The following KRT79 variants were observed in gnomAD, a reference collection of about 807,000 sequenced individuals.
The protein encoded by KRT79 is keratin, type II cytoskeletal 79.
KRT79 carries 51 observed loss-of-function variants against 49.0 expected under a neutral mutation model. That is an observed-to-expected ratio of 1.04 (90% CI 0.83 to 1.31). KRT79 has a LOEUF of 1.31. Among genes scored for constraint, KRT79 ranks in the 40% most tolerant of loss-of-function variants. The probability of loss-of-function intolerance (pLI) is 0.00; values close to 1 mark genes in which losing one functional copy is unlikely to be tolerated. For missense variants in KRT79, 728 were observed against 688.0 expected, an observed-to-expected ratio of 1.06 and a Z score of -0.65; for synonymous variants, 312 against 286.6, an observed-to-expected ratio of 1.09 and a Z score of -0.90.
rs187814443 is a variant in KRT79 at position 52,830,215 on chromosome 12, C to G, written c.759+17G>C. 9 of 1,614,168 alleles carry G rather than the reference C, an allele frequency of 5.6e-6. No homozygotes were observed. The highest frequency in any genetic ancestry group is 3.3e-5 in the Admixed American group (2 of 60,032). ...CTGGCAGCCAAAGGACCACCTCCCC[C>G]ACTCCACTCGGCTCACCTTCTTGAG... On this transcript the variant is annotated intron_variant, in intron 3 of 8. Coordinates refer to ENST00000330553, the MANE Select transcript of KRT79 (RefSeq NM_175834.3).
At chr12:52,831,310 T>C in intron 2 of KRT79, 96 bp downstream of exon 2, 1 of 1,141,016 alleles carries the variant, frequency 8.8e-7, no homozygotes, top group African/African-American at 1.5e-5. Context: ...ATCCCCCAGG[T>C]GGGCCTGGGA....
In KRT79 at chr12:52,821,918, A is replaced by AT; in HGVS notation, c.1561dup (p.Ile521AsnfsTer91). The AT allele has an allele frequency of 6.2e-7, 1 of 1,614,112 alleles. No individual in the cohort carries two copies. The highest frequency in any genetic ancestry group is 8.5e-7 in the Non-Finnish European group (1 of 1,180,010). The stretch of plus-strand genomic sequence containing the variant: ...CTTGACCGTAGTGGTCTTCCGCAGG[A>AT]TGGAGGTGCCCGCAGAGACTGGCCC... On this transcript the variant is annotated frameshift_variant, in exon 9 of 9. Transcript: ENST00000330553. LOFTEE classifies it high-confidence loss of function.
Position 52,831,464 on chromosome 12 carries a change from C to A in KRT79, c.640G>T (p.Gly214Trp). ...TTCCTGAGCTCTGAGTCCAGCCTCC[C>A]CCGCTCGCTCTGAAGTCTGTCCAGC... ...STLDRLQSER[G>W]RLDSELRNVQ... Residue 214 changes from glycine (G) to tryptophan (W), a missense_variant, in exon 2 of 9, where the codon GGG becomes TGG. Physicochemically the swap from Gly to Trp is radical, Grantham distance 184 (BLOSUM62 -2). Transcript: ENST00000330553. 2 of 1,614,232 alleles carry A rather than the reference C, an allele frequency of 1.2e-6. No individual in the cohort carries two copies. Among genetic ancestry groups the A allele is most frequent in the Non-Finnish European group, 1.7e-6 (2 of 1,180,040 alleles).
intron 4 of KRT79, among the ~76,000 whole-genome samples, chr12:52,826,427 C>T (rs1029154341): frequency 6.6e-6 from 1 of 150,542 alleles, no homozygotes; most frequent in African/African-American, 2.4e-5. Flanking sequence ...GTGGGAGGAT[C>T]GCTTGAGCCC....
intron 5 of KRT79, 64 bp from the exon 6 acceptor site, chr12:52,824,076 C>T (rs751602692): frequency 1.9e-4 from 306 of 1,612,872 alleles, no homozygotes; most frequent in Non-Finnish European, 2.4e-4. Context: ...CAGCTGGAGG[C>T]CCCATGCAAG....
chr12:52,834,173 G>A lies in KRT79; in HGVS notation c.88C>T (p.Arg30Cys), dbSNP rs142757937. The A allele has an allele frequency of 2.6e-3, 4,120 of 1,613,752 alleles. 15 individuals are homozygous for A. Among genetic ancestry groups the A allele is most frequent in the Non-Finnish European group, 2.9e-3 (3,425 of 1,179,944 alleles). The part of the protein sequence containing the change: ...SASGGSGSQA[R>C]TSFSSVTVSR... ...ACCGTCACTGAGCTGAAGCTGGTGC[G>A]GGCCTGGGACCCACTCCCTCCGCTG... Residue 30 changes from arginine (R) to cysteine (C), a missense_variant, in exon 1 of 9, where the codon CGC becomes TGC. Arg to Cys is a radical substitution (Grantham distance 180). Transcript: ENST00000330553.
In KRT79 at chr12:52,823,069, G is replaced by A. The variant is rs1481764808; in HGVS notation, c.1314C>T (p.Ala438=). The change falls in exon 7 of 9, where the codon GCC becomes GCT. Residue 438 remains alanine (A), a synonymous_variant. Transcript: ENST00000330553. ...DYQELMNVKL[A]LDVEIATYRK... ...GGTAGGTGGCAATCTCCACGTCCAGGGCCAGCTTGACATTCATCAGCTCCT... is the reference window on the plus strand; with the variant it reads ...GGTAGGTGGCAATCTCCACGTCCAGAGCCAGCTTGACATTCATCAGCTCCT... The A allele has an allele frequency of 6.2e-7, 1 of 1,614,150 alleles. No individual in the cohort carries two copies. The highest frequency in any genetic ancestry group is 8.5e-7 in the Non-Finnish European group (1 of 1,180,020).
chr12:52,824,110 C>T (rs79339057), intron 5 of KRT79, 88 bp downstream of exon 5: 1 of 1,612,228 alleles, frequency 6.2e-7, no homozygotes, highest in East Asian at 2.2e-5. Context: ...GCCCCCCGGA[C>T]TCCAAGGGTC....
At chr12:52,833,372 T>C (rs1940283839) in intron 1 of KRT79, among the ~76,000 whole-genome samples, 1 of 152,160 alleles carries the variant, frequency 6.6e-6, no homozygotes, top group Non-Finnish European at 1.5e-5. Context: ...AACAACTCTT[T>C]CAACTCCTGA....
chr12:52,823,823 G>A, intron 6 of KRT79, 64 bp downstream of exon 6: 1 of 1,556,910 alleles, frequency 6.4e-7, no homozygotes, highest in East Asian at 2.3e-5. Context: ...AGCCCCTCGG[G>A]GTGACAATGA....
intron 4 of KRT79, 137 bp downstream of exon 4, chr12:52,829,886 G>C (rs372035374): frequency 1.4e-6 from 1 of 725,430 alleles, no homozygotes; most frequent in Non-Finnish European, 2.4e-6. Context: ...GCGAAACTCC[G>C]TCTCAAAAAA....
At position 52,833,806 on chromosome 12, in the gene KRT79, T is replaced by C. The variant is rs2121292405; in HGVS notation, c.455A>G (p.Lys152Arg). 6.2e-7 allele frequency: 1 copy of C among 1,613,834 alleles called. No individual in the cohort carries two copies. Among genetic ancestry groups the C allele is most frequent in the South Asian group, 1.1e-5 (1 of 91,052 alleles). Residue 152 changes from lysine to arginine, a missense_variant, in exon 1 of 9, where the codon AAG becomes AGG. Coordinates refer to ENST00000330553, the MANE Select transcript of KRT79 (RefSeq NM_175834.3). Reference protein sequence around the residue: ...EREQIKTLNNKFASFIDKVRF... With the variant: ...EREQIKTLNNRFASFIDKVRF... ...CACCTTGTCGATGAAGGAGGCGAAC[T>C]TGTTGTTGAGGGTCTTGATCTGCTC...
In KRT79 at chr12:52,833,842, G is replaced by A. The variant is rs1302312972; in HGVS notation, c.419C>T (p.Thr140Ile). The A allele has an allele frequency of 3.7e-6, 6 of 1,613,840 alleles. No individual in the cohort carries two copies. The African/African-American group carries it at 4.0e-5, about 11-fold the overall frequency. The change falls in exon 1 of 9, where the codon ACT (threonine) becomes ATT (isoleucine). Residue 140 changes from threonine to isoleucine, a missense_variant. By Grantham distance (89) the Thr-to-Ile change is moderately conservative. Coordinates refer to ENST00000330553, the MANE Select transcript of KRT79 (RefSeq NM_175834.3). ...GGTCTTGATCTGCTCCCGCTCCTGA[G>A]TGCGCACTCGCTGGATCTCGGGGTC... ...EIDPEIQRVRTQEREQIKTLN... is the reference protein window; with the variant it reads ...EIDPEIQRVRIQEREQIKTLN...
At chr12:52,822,153 G>T in intron 8 of KRT79, 76 bp from the exon 9 acceptor site, 1 of 1,474,194 alleles carries the variant, frequency 6.8e-7, no homozygotes, top group Non-Finnish European at 9.4e-7. Flanking sequence ...AATCAGTGGG[G>T]AATCAGAACA....
chr12:52,831,495 C>A lies in KRT79; in HGVS notation c.609G>T (p.Arg203=). 6.2e-7 allele frequency: 1 copy of A among 1,614,202 alleles called. No individual in the cohort carries two copies. Among genetic ancestry groups the A allele is most frequent in the East Asian group, 2.2e-5 (1 of 44,884 alleles). Residue 203 remains arginine (R), a synonymous_variant, in exon 2 of 9, where the codon CGG becomes CGT. Transcript: ENST00000330553. ...CGCTCTGAAGTCTGTCCAGCGTGCT[C>A]CGCATGCTACCCAGGTAGGCCTCAA... ...PLFEAYLGSM[R]STLDRLQSER... is the part of the protein sequence containing the mutation.
chr12:52,827,491 C>T (rs1295102687), intron 4 of KRT79, among the ~76,000 whole-genome samples: 4 of 152,186 alleles, frequency 2.6e-5, no homozygotes, highest in African/African-American at 7.2e-5. Context: ...AAGGAGGCCC[C>T]AGACCATGAA....
chr12:52,830,546 C>A (rs899622355), intron 2 of KRT79: 2 of 506,426 alleles, frequency 3.9e-6, no homozygotes, highest in African/African-American at 1.9e-5. Context: ...GCTGCCATCT[C>A]TTTGGATCCA....
Position 52,824,193 on chromosome 12 carries a change from C to G in KRT79, c.1020+5G>C, listed in dbSNP as rs1940143651. On this transcript the variant is annotated splice_donor_5th_base_variant and intron_variant, in intron 5 of 8. Transcript: ENST00000330553. ...CCTCACACCTGAGCCAGCTATGCCT[C>G]TCACCTTGGTCTGGTACCAGGCCTC... 1 of 1,614,104 alleles carries G rather than the reference C, an allele frequency of 6.2e-7. No homozygotes were observed. Among genetic ancestry groups the G allele is most frequent in the Non-Finnish European group, 8.5e-7 (1 of 1,180,048 alleles).
chr12:52,821,732 G>A lies in KRT79; in HGVS notation c.*140C>T. 1 of 721,186 alleles carries A rather than the reference G, an allele frequency of 1.4e-6. No individual in the cohort carries two copies. The highest frequency in any genetic ancestry group is 2.3e-6 in the Non-Finnish European group (1 of 433,222). 44.7% of individuals were successfully genotyped at this position (721,186 alleles called of 1,614,324 possible). A position where few individuals can be genotyped will look rare whatever the true frequency, so the allele number is the denominator to read the frequency against. ...AGTAGATTTGAGCGCTTCCCAAGAT[G>A]CAAATAGTCTGGTATGAAAATACCC... On this transcript the variant is annotated 3_prime_UTR_variant, in exon 9 of 9. Transcript: ENST00000330553.
Sources: allele counts gnomAD v4.1 joint callset (sites outside exome capture counted in the v4.1 genomes callset), GRCh38; gene constraint gnomAD v4.1.1; transcripts MANE v1.5; gene names NCBI Gene and HGNC (gene_info 2026-07-23, HGNC 2026-07-21).